Variants in PTPRD observed in about 807,000 individuals in gnomAD.
The protein encoded by PTPRD is receptor-type tyrosine-protein phosphatase delta.
In PTPRD, 34 loss-of-function variants were observed where a neutral mutation model predicts 214.5. The observed-to-expected ratio is 0.16, with a 90% CI of 0.12 to 0.21. The LOEUF is 0.21. Among genes scored for constraint, PTPRD ranks in the 10% least tolerant of loss-of-function variants. The pLI is 1.00. For missense variants in PTPRD, 2,545 were observed against 2,398.7 expected (o/e 1.06, Z -1.27); for synonymous variants, 1,128 against 845.7 (o/e 1.33, Z -5.79).
At chr9:9,967,652 G>T (rs554915888) in intron 4 of PTPRD, among the ~76,000 whole-genome samples, 1 of 152,276 alleles carries the variant, frequency 6.6e-6, no homozygotes, top group East Asian at 1.9e-4. Context: ...ATTAAAAGTT[G>T]TATTAGGATT....
At chr9:9,652,495 A>G (rs1275831819) in intron 7 of PTPRD, among the ~76,000 whole-genome samples, 1 of 152,154 alleles carries the variant, frequency 6.6e-6, no homozygotes, top group Non-Finnish European at 1.5e-5. Context: ...CTATAATTTC[A>G]ATAGGCTCCC....
At chr9:8,746,262 A>C (rs1196307251) in intron 11 of PTPRD, among the ~76,000 whole-genome samples, 3 of 152,234 alleles carry the variant, frequency 2.0e-5, no homozygotes, top group South Asian at 2.1e-4. Context: ...TGCTGAGGGC[A>C]ACATGGCCAT....
chr9:10,110,076 T>C (rs925472291), intron 3 of PTPRD, among the ~76,000 whole-genome samples: 1 of 152,194 alleles, frequency 6.6e-6, no homozygotes, highest in African/African-American at 2.4e-5. Context: ...TTGTTTGTTA[T>C]TAATTTCAAG....
At chr9:9,647,944 T>C (rs563053875) in intron 7 of PTPRD, among the ~76,000 whole-genome samples, 1 of 152,298 alleles carries the variant, frequency 6.6e-6, no homozygotes, top group South Asian at 2.1e-4. Flanking sequence ...GGCTTCTGCA[T>C]ACTCTTTCTT....
At chr9:9,203,248 AACACACAC>A (rs151327041) in intron 9 of PTPRD, among the ~76,000 whole-genome samples, 1 of 150,606 alleles carries the variant, frequency 6.6e-6, no homozygotes, top group Non-Finnish European at 1.5e-5. Flanking sequence ...CACACACACA[AACACACAC>A]ACACACAATC....
In PTPRD at chr9:9,541,139, C is replaced by T. The variant is rs189900511; in HGVS notation, c.-237+33593G>A. Among the ~76,000 whole-genome samples, 24 of 151,914 alleles carry T rather than the reference C, an allele frequency of 1.6e-4. No individual in the cohort carries two copies. In the East Asian group the frequency reaches 4.5e-3, roughly 28 times the overall value. ...AATAACGAAAAAATTACTATGGTGGCTCACTATGAACCAACTTTCCTAGGC... is the reference window on the plus strand; with the variant it reads ...AATAACGAAAAAATTACTATGGTGGTTCACTATGAACCAACTTTCCTAGGC... On this transcript the variant is annotated intron_variant, in intron 8 of 45. Transcript: ENST00000381196.
At position 9,175,231 on chromosome 9, in the gene PTPRD, A is replaced by T. The variant is rs186846435; in HGVS notation, c.-143+8073T>A. On this transcript the variant is annotated intron_variant, in intron 10 of 45. Coordinates refer to ENST00000381196, the MANE Select transcript of PTPRD (RefSeq NM_002839.4). ...TTTCTAAAACGTTGTCTTTCATGTT[A>T]CCCTGTTCATCACAAGAACAATTAA... is the stretch of plus-strand genomic sequence containing the variant. Among the ~76,000 whole-genome samples the T allele has an allele frequency of 4.2e-3, 633 of 152,292 alleles. 3 individuals carry two copies. Among genetic ancestry groups the T allele is most frequent in the South Asian group, 0.022 (105 of 4,830 alleles).
rs1405369086 is a variant in PTPRD, at chr9:8,484,231, C to A, written c.3301G>T (p.Ala1101Ser). 1.9e-6 allele frequency: 3 copies of A among 1,614,104 alleles called. No individual in the cohort carries two copies. In the South Asian group the frequency reaches 3.3e-5, roughly 18 times the overall value. ...CGTAATACATCTGGTGCAGTCTTTG[C>A]CGTGACCCTGTGCTGCAGCCCACCA... ...SAGGLQHRVT[A>S]KTAPDVLRTK... The change falls in exon 30 of 46, where the codon GCA (alanine) becomes TCA (serine). Residue 1101 changes from alanine to serine, a missense_variant. Physicochemically the swap from Ala to Ser is moderately conservative, Grantham distance 99. Transcript: ENST00000381196.
At chr9:8,805,173 G>C (rs1304591035) in intron 11 of PTPRD, among the ~76,000 whole-genome samples, 2 of 152,162 alleles carry the variant, frequency 1.3e-5, no homozygotes, top group African/African-American at 4.8e-5. Flanking sequence ...CCTTCCTTTT[G>C]TGGGCCTAGC....
chr9:9,951,645 G>A (rs1047185779), intron 4 of PTPRD, among the ~76,000 whole-genome samples: 2 of 152,136 alleles, frequency 1.3e-5, no homozygotes, highest in African/African-American at 4.8e-5. Context: ...AGTTAATGTC[G>A]TTCTCCTCAA....
At chr9:8,768,486 G>C (rs947482065) in intron 11 of PTPRD, among the ~76,000 whole-genome samples, 2 of 152,138 alleles carry the variant, frequency 1.3e-5, no homozygotes, top group Admixed American at 6.5e-5. Flanking sequence ...CCCAGAGGAG[G>C]AGGCTGCAGT....
At chr9:9,791,424 T>A (rs866102364) in intron 5 of PTPRD, among the ~76,000 whole-genome samples, 75 of 152,224 alleles carry the variant, frequency 4.9e-4, no homozygotes, top group Middle Eastern at 3.4e-3. Flanking sequence ...GACCTTTAAT[T>A]CTTTTCTAAT....
chr9:9,585,719 G>A (rs562737574), intron 7 of PTPRD, among the ~76,000 whole-genome samples: 14 of 152,078 alleles, frequency 9.2e-5, no homozygotes, highest in African/African-American at 3.4e-4. Context: ...TGAAAATGAA[G>A]AAAGACCATC....
intron 11 of PTPRD, among the ~76,000 whole-genome samples, chr9:8,753,044 C>T (rs906808017): frequency 1.1e-4 from 16 of 152,168 alleles, no homozygotes; most frequent in African/African-American, 2.9e-4. Context: ...TGGCTTCTTA[C>T]GGTTACATCT....
intron 2 of PTPRD, among the ~76,000 whole-genome samples, chr9:10,597,233 T>C (rs1377932812): frequency 1.3e-5 from 2 of 151,700 alleles, no homozygotes; most frequent in African/African-American, 4.8e-5. Context: ...AATATGTTAC[T>C]TGGTACCAAG....
intron 9 of PTPRD, among the ~76,000 whole-genome samples, chr9:9,214,948 G>A (rs533728119): frequency 1.3e-5 from 2 of 152,274 alleles, no homozygotes; most frequent in African/African-American, 4.8e-5. Context: ...GTATTTGAAC[G>A]AGCCCTTCTG....
intron 12 of PTPRD, among the ~76,000 whole-genome samples, chr9:8,676,660 G>A (rs1015703379): frequency 7.9e-5 from 12 of 152,084 alleles, no homozygotes; most frequent in Non-Finnish European, 1.5e-4. Flanking sequence ...CGCCACCACT[G>A]CCTCCTGGGT....
intron 7 of PTPRD, among the ~76,000 whole-genome samples, chr9:9,662,254 A>ACTC (rs1395202787): frequency 3.4e-4 from 52 of 151,688 alleles, no homozygotes; most frequent in African/African-American, 1.2e-3. Context: ...CAAAACCATT[A>ACTC]CCTAATTGTT....
chr9:10,489,610 T>G (rs140453248), intron 2 of PTPRD, among the ~76,000 whole-genome samples: 1 of 152,116 alleles, frequency 6.6e-6, no homozygotes. Flanking sequence ...CTGCTGAGAC[T>G]TGGGGAGACT....
Sources: allele counts gnomAD v4.1 joint callset (sites outside exome capture counted in the v4.1 genomes callset), GRCh38; gene constraint gnomAD v4.1.1; transcripts MANE v1.5; gene names NCBI Gene and HGNC (gene_info 2026-07-23, HGNC 2026-07-21).